Variants in PROSER3 observed in about 807,000 individuals in gnomAD.
The protein encoded by PROSER3 is proline and serine-rich protein 3.
A neutral mutation model predicts 50.2 loss-of-function variants in PROSER3; 33 were observed. The observed-to-expected ratio is 0.66, with a 90% confidence interval of 0.50 to 0.88. The LOEUF is 0.88. Among genes scored for constraint, PROSER3 ranks in the 40% least tolerant of loss-of-function variants. PROSER3 has a pLI of 0.00. For synonymous variants in PROSER3, 266 were observed against 259.3 expected (o/e 1.03, Z -0.25); for missense variants, 623 against 612.7 (o/e 1.02, Z -0.18).
intron 3 of PROSER3, 70 bp from the exon 4 acceptor site, chr19:35,761,949 T>C: frequency 6.8e-7 from 1 of 1,465,214 alleles, no homozygotes; most frequent in Non-Finnish European, 9.2e-7. Context: ...AAACGTTGGC[T>C]GCTATAATTA....
exon 9 of PROSER3, chr19:35,768,002 G>A (rs766966051): frequency 1.3e-6 from 2 of 1,592,644 alleles, no homozygotes; most frequent in East Asian, 4.5e-5. Context: ...CCCGCCCGCT[G>A]CTGACCACGC....
chr19:35,764,448 C>T (rs898555796), intron 5 of PROSER3, among the ~76,000 whole-genome samples: 2 of 151,896 alleles, frequency 1.3e-5, no homozygotes, highest in South Asian at 2.1e-4. Flanking sequence ...CCTGAGGTCG[C>T]GAGTTTGAGA....
At chr19:35,759,534 G>T in intron 2 of PROSER3, 64 bp downstream of exon 2, 1 of 1,418,708 alleles carries the variant, frequency 7.0e-7, no homozygotes. Context: ...CCTTTAGAGG[G>T]TAGGAAGACA....
At chr19:35,764,448 C>A (rs898555796) in intron 5 of PROSER3, among the ~76,000 whole-genome samples, 1 of 151,896 alleles carries the variant, frequency 6.6e-6, no homozygotes, top group Non-Finnish European at 1.5e-5. Context: ...CCTGAGGTCG[C>A]GAGTTTGAGA....
At chr19:35,759,906 C>G in exon 3 of PROSER3, 1 of 1,602,378 alleles carries the variant, frequency 6.2e-7, no homozygotes, top group Non-Finnish European at 8.5e-7. Context: ...TTCAGGGACC[C>G]CCTCCCTGCC....
At chr19:35,766,869 C>A in exon 8 of PROSER3, 1 of 1,551,826 alleles carries the variant, frequency 6.4e-7, no homozygotes, top group Non-Finnish European at 8.7e-7. Context: ...GTACCAGTGG[C>A]GGCAGCGGCG....
chr19:35,770,779 G>A (rs970604883), downstream of PROSER3: 1 of 151,684 alleles, frequency 6.6e-6, no homozygotes, highest in Non-Finnish European at 1.5e-5. Context: ...AGGAGGCTGA[G>A]GCAAGAGAAT....
chr19:35,759,566 G>A, intron 2 of PROSER3, 96 bp downstream of exon 2: 1 of 1,207,224 alleles, frequency 8.3e-7, no homozygotes, highest in Non-Finnish European at 1.2e-6. Context: ...ATAGGGATGA[G>A]AGATTTAAGA....
downstream of PROSER3, chr19:35,770,847 C>T (rs1971301551): frequency 6.6e-6 from 1 of 150,990 alleles, no homozygotes; most frequent in Non-Finnish European, 1.5e-5. Context: ...TAATTTCTCT[C>T]TCTTTCTCTC....
intron 6 of PROSER3, 31 bp from the exon 7 acceptor site, chr19:35,765,003 C>A: frequency 6.2e-7 from 1 of 1,612,716 alleles, no homozygotes; most frequent in Non-Finnish European, 8.5e-7. Flanking sequence ...CTCGAGACCT[C>A]CATTGCCTCA....
At chr19:35,759,760 TTTC>T (rs1344692734) in intron 2 of PROSER3, 26 bp from the exon 3 acceptor site, 9 of 1,540,842 alleles carry the variant, frequency 5.8e-6, no homozygotes, top group Admixed American at 3.9e-5. Context: ...CCTCACACTT[TTTC>T]TTCTTGTGCT....
At chr19:35,771,026 A>G (rs10420134), downstream of PROSER3, 33,584 of 152,044 alleles carry the variant, frequency 0.22, 3,920 homozygotes, top group East Asian at 0.42. Context: ...CCAGTTAAAG[A>G]TACGCCTGTA....
chr19:35,759,877 A>G, exon 3 of PROSER3: 2 of 1,589,274 alleles, frequency 1.3e-6, no homozygotes, highest in African/African-American at 2.7e-5. Flanking sequence ...GAGCTGTTTG[A>G]GGAGTCCTGG....
rs753080471 is a variant in PROSER3, at chr19:35,767,834, C to T, written c.988C>T (p.Pro330Ser). The change falls in exon 9 of 11, where the codon CCC becomes TCC. Residue 330 changes from proline (P) to serine (S), a missense_variant. Pro to Ser is a moderately conservative substitution (Grantham distance 74). This residue lies in a region of PROSER3 where 380 missense variants were observed against 346.8 expected (regional missense o/e 1.10). Coordinates refer to ENST00000396908, the Ensembl canonical transcript of PROSER3. Reference sequence around the variant, plus strand: ...GTCTCTGAAAGCCAAGGCCTTGCCGCCCGCAGCGGGGTCAGTGATACGGAA... The same window carrying T: ...GTCTCTGAAAGCCAAGGCCTTGCCGTCCGCAGCGGGGTCAGTGATACGGAA... 7.4e-6 allele frequency: 12 copies of T among 1,613,232 alleles called. No homozygotes were observed. In the South Asian group the frequency reaches 1.3e-4, roughly 18 times the overall value.
At chr19:35,767,463 C>T in intron 8 of PROSER3, 2 of 350,544 alleles carry the variant, frequency 5.7e-6, no homozygotes, top group Non-Finnish European at 1.0e-5. Context: ...GCACCTCCAG[C>T]CTCCACCCTC....
intron 9 of PROSER3, 26 bp downstream of exon 9, chr19:35,768,091 T>C: frequency 6.3e-7 from 1 of 1,591,646 alleles, no homozygotes. Context: ...TCCTGGATGT[T>C]GGAGGCAGGC....
Position 35,761,965 on chromosome 19 carries a change from A to G in PROSER3, c.312-54A>G. Reference sequence around the variant, plus strand: ...AACGTTGGCTGCTATAATTATTCTTATTATTATTTGGCTCTCCTCACTCCA... The same window carrying G: ...AACGTTGGCTGCTATAATTATTCTTGTTATTATTTGGCTCTCCTCACTCCA... On this transcript the variant is annotated intron_variant, in intron 3 of 10. Coordinates refer to ENST00000396908, the Ensembl canonical transcript of PROSER3. 2 of 1,508,378 alleles carry G rather than the reference A, an allele frequency of 1.3e-6. 1 individual carries two copies. Among genetic ancestry groups the G allele is most frequent in the Middle Eastern group, 3.5e-4 (2 of 5,660 alleles). 93.4% of individuals were successfully genotyped at this position (1,508,378 alleles called of 1,614,324 possible). A position where few individuals can be genotyped will look rare whatever the true frequency, so the allele number is the denominator to read the frequency against.
intron 2 of PROSER3, 149 bp from the exon 3 acceptor site, chr19:35,759,640 C>A: frequency 1.0e-6 from 1 of 991,004 alleles, no homozygotes; most frequent in Non-Finnish European, 1.5e-6. Flanking sequence ...CTGGATTCCC[C>A]ATCTGAGCCC....
chr19:35,763,505 CTT>C (rs1314409508), intron 5 of PROSER3, among the ~76,000 whole-genome samples: 16 of 136,662 alleles, frequency 1.2e-4, no homozygotes, highest in African/African-American at 8.2e-5. Flanking sequence ...CAAGCCCGGC[CTT>C]TTTTTTTTTT....
Sources: allele counts gnomAD v4.1 joint callset (sites outside exome capture counted in the v4.1 genomes callset), GRCh38; gene constraint gnomAD v4.1.1; regional missense constraint gnomAD v4.1.1; transcripts MANE v1.5; gene names NCBI Gene and HGNC (gene_info 2026-07-23, HGNC 2026-07-21).